Variants in PNLIPRP3 observed in about 807,000 individuals in gnomAD.
PNLIPRP3 encodes pancreatic lipase related protein 3.
Under a neutral mutation model 52.8 loss-of-function variants are expected in PNLIPRP3, and 58 were observed. The ratio of observed to expected loss-of-function variants is 1.10; its 90% confidence interval spans 0.89 to 1.37. The LOEUF is 1.37. Among genes scored for constraint, PNLIPRP3 ranks in the 40% most tolerant of loss-of-function variants. The pLI is 0.00. For missense variants in PNLIPRP3, 593 were observed against 561.6 expected (o/e 1.06, Z -0.57); for synonymous variants, 192 against 185.0 (o/e 1.04, Z -0.31).
In PNLIPRP3 at chr10:116,459,281, T is replaced by TAA. The variant is rs368186368; in HGVS notation, c.566-1671_566-1670dup. ...TTAGTGATTATATTAGTCAGAAAAATAAAAAAAAAAAAAAACACATCCTAT... is the reference window on the plus strand; with the variant it reads ...TTAGTGATTATATTAGTCAGAAAAATAAAAAAAAAAAAAAAAACACATCCTAT... On this transcript the variant is annotated intron_variant, in intron 5 of 11. Transcript: ENST00000369230. Among the ~76,000 whole-genome samples, 508 of 129,330 alleles carry TAA rather than the reference T, an allele frequency of 3.9e-3. 6 individuals carry two copies. The highest frequency in any genetic ancestry group is 0.013 in the African/African-American group (479 of 36,320). 84.8% of individuals were successfully genotyped at this position (129,330 alleles called of 152,430 possible).
In PNLIPRP3 at chr10:116,444,423, T is replaced by C. The variant is rs763193330; in HGVS notation, c.366T>C (p.Asp122=). 6.2e-7 allele frequency: 1 copy of C among 1,612,110 alleles called. No homozygotes were observed. Among genetic ancestry groups the C allele is most frequent in the Admixed American group, 1.7e-5 (1 of 60,010 alleles). The change falls in exon 4 of 12, where the codon GAT becomes GAC. Residue 122 remains aspartate, a synonymous_variant. Coordinates refer to ENST00000369230, the MANE Select transcript of PNLIPRP3 (RefSeq NM_001011709.3). The stretch of plus-strand genomic sequence containing the variant: ...AAGATATAAATTGCATTAATTTAGA[T>C]TGGATCAACGGTTCACGGGAATACA... The part of the protein sequence containing the change: ...QLEDINCINL[D]WINGSREYIH...
Position 116,477,088 on chromosome 10 carries a change from A to G in PNLIPRP3, c.1341-2A>G. Reference sequence around the variant, plus strand: ...CTTTTTTTTTTCCTTAAAAACTTTCAGATCTACCTTCTGTAGCCAAGACAT... The same window carrying G: ...CTTTTTTTTTTCCTTAAAAACTTTCGGATCTACCTTCTGTAGCCAAGACAT... On this transcript the variant is annotated splice_acceptor_variant, in intron 11 of 11. Coordinates refer to ENST00000369230, the MANE Select transcript of PNLIPRP3 (RefSeq NM_001011709.3). LOFTEE classifies it high-confidence loss of function. 2 of 1,581,526 alleles carry G rather than the reference A, an allele frequency of 1.3e-6. No homozygotes were observed. Among genetic ancestry groups the G allele is most frequent in the Non-Finnish European group, 1.7e-6 (2 of 1,161,330 alleles).
At chr10:116,473,948 CAA>C (rs771490177) in intron 10 of PNLIPRP3, among the ~76,000 whole-genome samples, 8,330 of 103,216 alleles carry the variant, frequency 0.081, 337 homozygotes, top group Non-Finnish European at 0.11. Context: ...CATATGGAAC[CAA>C]AAAAAAAAAA....
At position 116,464,995 on chromosome 10, in the gene PNLIPRP3, G is replaced by A. The variant is rs117321115; in HGVS notation, c.809-1055G>A. On this transcript the variant is annotated intron_variant, in intron 7 of 11. Coordinates refer to ENST00000369230, the MANE Select transcript of PNLIPRP3 (RefSeq NM_001011709.3). ...GGTGGGTCTCAGGTTCTTGTCCCACGTCCAGGAAGAAAGAGGTTACACAGA... is the reference window on the plus strand; with the variant it reads ...GGTGGGTCTCAGGTTCTTGTCCCACATCCAGGAAGAAAGAGGTTACACAGA... Among the ~76,000 whole-genome samples the A allele has an allele frequency of 2.9e-3, 437 of 152,300 alleles. 1 individual carries two copies. The highest frequency in any genetic ancestry group is 4.8e-3 in the Non-Finnish European group (325 of 68,028).
At chr10:116,460,247 C>T (rs952765402) in intron 5 of PNLIPRP3, among the ~76,000 whole-genome samples, 1 of 152,218 alleles carries the variant, frequency 6.6e-6, no homozygotes, top group African/African-American at 2.4e-5. Context: ...TTCCTCATAT[C>T]TGAATGCTAA....
At chr10:116,456,011 G>T (rs934518727) in intron 5 of PNLIPRP3, among the ~76,000 whole-genome samples, 181 bp downstream of exon 5, 1 of 152,246 alleles carries the variant, frequency 6.6e-6, no homozygotes, top group African/African-American at 2.4e-5. Flanking sequence ...CTTCAAGGGG[G>T]TTCATTGCAG....
At chr10:116,465,650 A>T (rs1207402777) in intron 7 of PNLIPRP3, among the ~76,000 whole-genome samples, 2 of 152,148 alleles carry the variant, frequency 1.3e-5, no homozygotes, top group Admixed American at 1.3e-4. Flanking sequence ...CTGGTCAGGG[A>T]CTTTACCTGG....
At chr10:116,439,878 C>A (rs553588454) in intron 2 of PNLIPRP3, 1 of 790,836 alleles carries the variant, frequency 1.3e-6, no homozygotes, top group East Asian at 2.4e-5. Flanking sequence ...ATTTAGATTT[C>A]TCTTTCCCGG....
rs1280344453 is a variant in PNLIPRP3 at position 116,469,228 on chromosome 10, G to A, written c.971G>A (p.Gly324Asp). ...FCSKEGCPTM[G>D]HFADRFHFKN... is the part of the protein sequence containing the mutation. Reference sequence around the variant, plus strand: ...TCCAAAGAAGGTTGCCCAACAATGGGTCATTTTGCTGATAGATTTCACTTC... The same window carrying A: ...TCCAAAGAAGGTTGCCCAACAATGGATCATTTTGCTGATAGATTTCACTTC... Residue 324 changes from glycine (G) to aspartate (D), a missense_variant, in exon 9 of 12, where the codon GGT (glycine) becomes GAT (aspartate). Physicochemically the swap from Gly to Asp is moderately conservative, Grantham distance 94 (BLOSUM62 -1). Coordinates refer to ENST00000369230, the MANE Select transcript of PNLIPRP3 (RefSeq NM_001011709.3). 1 of 1,612,258 alleles carries A rather than the reference G, an allele frequency of 6.2e-7. No homozygotes were observed. Among genetic ancestry groups the A allele is most frequent in the Non-Finnish European group, 8.5e-7 (1 of 1,179,350 alleles).
intron 4 of PNLIPRP3, among the ~76,000 whole-genome samples, chr10:116,446,303 G>A (rs554847446): frequency 2.7e-4 from 39 of 146,988 alleles, no homozygotes; most frequent in Non-Finnish European, 5.5e-4. Flanking sequence ...CCGAGATGGC[G>A]CCGCTGCACT....
At chr10:116,441,212 C>T (rs1845853591) in intron 2 of PNLIPRP3, among the ~76,000 whole-genome samples, 1 of 152,106 alleles carries the variant, frequency 6.6e-6, no homozygotes, top group Non-Finnish European at 1.5e-5. Flanking sequence ...TTAAACTCCT[C>T]ATTGATGTCA....
chr10:116,427,956 A>G lies in PNLIPRP3; in HGVS notation c.-57A>G. ...CCACTTAGTATTTTATAGTGAGGTG[A>G]CTTTACAAGTAAAGATCTTCAAGAA... On this transcript the variant is annotated 5_prime_UTR_variant, in exon 1 of 12. Coordinates refer to ENST00000369230, the MANE Select transcript of PNLIPRP3 (RefSeq NM_001011709.3). The G allele has an allele frequency of 7.6e-7, 1 of 1,318,376 alleles. No homozygotes were observed. Among genetic ancestry groups the G allele is most frequent in the Non-Finnish European group, 1.1e-6 (1 of 915,186 alleles). 81.7% of individuals were successfully genotyped at this position (1,318,376 alleles called of 1,614,324 possible). A position where few individuals can be genotyped will look rare whatever the true frequency, so the allele number is the denominator to read the frequency against.
chr10:116,455,732 A>T lies in PNLIPRP3; in HGVS notation c.467A>T (p.Glu156Val). The stretch of plus-strand genomic sequence containing the variant: ...AAACAATTCTTTCAGAAAAAATTTG[A>T]ATATTCCCCTTCTAAAGTGCACTTG... ...YFIDVLMKKF[E>V]YSPSKVHLIG... Residue 156 changes from glutamate (E) to valine (V), a missense_variant, in exon 5 of 12, where the codon GAA becomes GTA. Coordinates refer to ENST00000369230, the MANE Select transcript of PNLIPRP3 (RefSeq NM_001011709.3). 1 of 1,613,434 alleles carries T rather than the reference A, an allele frequency of 6.2e-7. No homozygotes were observed. The highest frequency in any genetic ancestry group is 8.5e-7 in the Non-Finnish European group (1 of 1,179,544).
chr10:116,477,214 C>A lies in PNLIPRP3; in HGVS notation c.*61C>A. 7.1e-7 allele frequency: 1 copy of A among 1,403,214 alleles called. No homozygotes were observed. Among genetic ancestry groups the A allele is most frequent in the South Asian group, 1.2e-5 (1 of 82,252 alleles). 86.9% of individuals were successfully genotyped at this position (1,403,214 alleles called of 1,614,324 possible). On this transcript the variant is annotated 3_prime_UTR_variant, in exon 12 of 12. Transcript: ENST00000369230. ...AGCAATGAAGAAAAGTGTCTCCTTCCACCTGGCATCCAGACCAAATTTGAC... is the reference window on the plus strand; with the variant it reads ...AGCAATGAAGAAAAGTGTCTCCTTCAACCTGGCATCCAGACCAAATTTGAC...
chr10:116,453,838 A>G (rs770923275), intron 4 of PNLIPRP3, among the ~76,000 whole-genome samples: 24 of 152,114 alleles, frequency 1.6e-4, no homozygotes, highest in Non-Finnish European at 8.8e-5. Flanking sequence ...TTACATAGGT[A>G]TAGACGTGCC....
intron 8 of PNLIPRP3, among the ~76,000 whole-genome samples, chr10:116,468,126 CAAAAAAAAAA>C (rs5788168): frequency 5.1e-5 from 2 of 39,496 alleles, no homozygotes; most frequent in Non-Finnish European, 7.8e-5. Context: ...CTCTGTCTCG[CAAAAAAAAAA>C]AAAAAAAAAA....
chr10:116,474,496 A>G (rs1046354380), intron 10 of PNLIPRP3, among the ~76,000 whole-genome samples: 1 of 152,206 alleles, frequency 6.6e-6, no homozygotes, highest in Admixed American at 6.5e-5. Context: ...ACAAACTATC[A>G]ACAGAGTGAA....
At chr10:116,457,187 G>A (rs1846127846) in intron 5 of PNLIPRP3, among the ~76,000 whole-genome samples, 1 of 152,130 alleles carries the variant, frequency 6.6e-6, no homozygotes, top group African/African-American at 2.4e-5. Flanking sequence ...TTTGACATGT[G>A]CCTCTTTTGT....
chr10:116,441,711 A>G (rs1845861278), intron 2 of PNLIPRP3, among the ~76,000 whole-genome samples: 1 of 152,146 alleles, frequency 6.6e-6, no homozygotes, highest in Non-Finnish European at 1.5e-5. Context: ...ACCTAACTTC[A>G]AAGGCCATGT....
Sources: allele counts gnomAD v4.1 joint callset (sites outside exome capture counted in the v4.1 genomes callset), GRCh38; gene constraint gnomAD v4.1.1; transcripts MANE v1.5; gene names NCBI Gene and HGNC (gene_info 2026-07-23, HGNC 2026-07-21).